Variants in PRKG1 observed in about 807,000 individuals in gnomAD.
PRKG1 encodes cGMP-dependent protein kinase 1.
Under a neutral mutation model 88.1 loss-of-function variants are expected in PRKG1, and 35 were observed. The observed-to-expected ratio is 0.40, with a 90% CI of 0.30 to 0.53. PRKG1 has a LOEUF of 0.53. Ranked by LOEUF, PRKG1 falls within the 20% of genes least tolerant of loss-of-function variation. The pLI is 0.59. For missense variants in PRKG1, 540 were observed against 839.8 expected (o/e 0.64, Z 4.41); for synonymous variants, 303 against 292.5 (o/e 1.04, Z -0.37).
intron 2 of PRKG1, among the ~76,000 whole-genome samples, chr10:51,434,909 T>A (rs537449241): frequency 5.3e-5 from 8 of 152,200 alleles, no homozygotes; most frequent in African/African-American, 1.9e-4. Flanking sequence ...TTTCCTTACA[T>A]GTAATAAAAA....
intron 2 of PRKG1, among the ~76,000 whole-genome samples, chr10:51,276,086 G>T (rs932426473): frequency 2.0e-5 from 3 of 151,808 alleles, no homozygotes; most frequent in Admixed American, 6.6e-5. Context: ...TTTATATTAG[G>T]TATATCTCTT....
intron 9 of PRKG1, among the ~76,000 whole-genome samples, chr10:52,237,298 A>T (rs201474957): frequency 6.9e-6 from 1 of 144,428 alleles, no homozygotes; most frequent in African/African-American, 2.7e-5. Context: ...TATTCAACAC[A>T]GTGTTGGAAG....
chr10:52,193,769 C>A lies in PRKG1; in HGVS notation c.1076+31806C>A, dbSNP rs1839436183. Among the ~76,000 whole-genome samples, 3 of 152,156 alleles carry A rather than the reference C, an allele frequency of 2.0e-5. No homozygotes were observed. The South Asian group carries it at 6.2e-4, about 32-fold the overall frequency. On this transcript the variant is annotated intron_variant, in intron 9 of 17. Transcript: ENST00000373980. ...CCTTTTTAGAAGCAAGTACTATAAC[C>A]AGTTTCCTCTGGATCCCTTCAGAGA...
In PRKG1 at chr10:51,278,868, C is replaced by T. The variant is rs184636514; in HGVS notation, c.478+125538C>T. ...TTTTCTTCTTTATTAGTATTGCTAGCGGTCAATCAATTTTATTGATCTTTT... is the reference window on the plus strand; with the variant it reads ...TTTTCTTCTTTATTAGTATTGCTAGTGGTCAATCAATTTTATTGATCTTTT... On this transcript the variant is annotated intron_variant, in intron 2 of 17. Coordinates refer to ENST00000373980, the MANE Select transcript of PRKG1 (RefSeq NM_006258.4). Among the ~76,000 whole-genome samples, 220 of 152,146 alleles carry T rather than the reference C, an allele frequency of 1.4e-3. 1 individual carries two copies. The highest frequency in any genetic ancestry group is 4.5e-3 in the African/African-American group (186 of 41,516).
rs923484079 is a variant in PRKG1 at position 51,450,510 on chromosome 10, C to T, written c.479-17213C>T. On this transcript the variant is annotated intron_variant, in intron 2 of 17. Transcript: ENST00000373980. Reference sequence around the variant, plus strand: ...ATGAGATGGAATTCATGATGTTGGACTTCTAACAAGTGCTCCAGCCAACTA... The same window carrying T: ...ATGAGATGGAATTCATGATGTTGGATTTCTAACAAGTGCTCCAGCCAACTA... 5.3e-5 allele frequency among the ~76,000 whole-genome samples: 8 copies of T among 151,926 alleles called. No individual in the cohort carries two copies. In the South Asian group the frequency reaches 8.3e-4, roughly 16 times the overall value.
intron 5 of PRKG1, among the ~76,000 whole-genome samples, chr10:52,011,953 C>G (rs1022468250): frequency 1.3e-5 from 2 of 152,170 alleles, no homozygotes; most frequent in African/African-American, 4.8e-5. Context: ...TAAGACTTGA[C>G]TTGCTCCTCC....
chr10:51,116,885 C>T (rs1845135446), intron 1 of PRKG1, among the ~76,000 whole-genome samples: 1 of 152,052 alleles, frequency 6.6e-6, no homozygotes, highest in Non-Finnish European at 1.5e-5. Flanking sequence ...CATCTCTGTG[C>T]AGGATGAGTA....
intron 9 of PRKG1, among the ~76,000 whole-genome samples, chr10:52,217,613 A>T (rs1176548771): frequency 6.6e-6 from 1 of 152,172 alleles, no homozygotes; most frequent in East Asian, 1.9e-4. Context: ...CAGTTACTCA[A>T]ATAGCAAGGA....
At chr10:51,601,470 A>G (rs985980480) in intron 3 of PRKG1, among the ~76,000 whole-genome samples, 9 of 152,158 alleles carry the variant, frequency 5.9e-5, no homozygotes, top group African/African-American at 2.2e-4. Context: ...AACAAGGAGG[A>G]GCACATAAAT....
At chr10:51,856,970 AAAAAG>A (rs1309178721) in intron 4 of PRKG1, among the ~76,000 whole-genome samples, 3 of 112,826 alleles carry the variant, frequency 2.7e-5, no homozygotes. Flanking sequence ...TCTTACTAAA[AAAAAG>A]AAAAAAAAAA....
At chr10:52,081,075 A>T (rs1846761887) in intron 7 of PRKG1, among the ~76,000 whole-genome samples, 1 of 152,212 alleles carries the variant, frequency 6.6e-6, no homozygotes, top group South Asian at 2.1e-4. Context: ...CCTCTTCAAC[A>T]CACCACTTGC....
At chr10:51,068,178 T>C (rs2132793320) in intron 1 of PRKG1, among the ~76,000 whole-genome samples, 1 of 152,168 alleles carries the variant, frequency 6.6e-6, no homozygotes, top group East Asian at 1.9e-4. Flanking sequence ...GTTAGAAAAG[T>C]GGATTTCTGG....
At chr10:52,119,883 A>G (rs534420501) in intron 7 of PRKG1, among the ~76,000 whole-genome samples, 1 of 152,168 alleles carries the variant, frequency 6.6e-6, no homozygotes, top group South Asian at 2.1e-4. Context: ...GTGGAAAGGG[A>G]AGAGAGCACA....
intron 7 of PRKG1, among the ~76,000 whole-genome samples, chr10:52,133,251 A>G (rs2132634130): frequency 6.6e-6 from 1 of 152,232 alleles, no homozygotes; most frequent in Admixed American, 6.5e-5. Flanking sequence ...GCTTCTAAAG[A>G]GACAATATTT....
At chr10:51,977,036 A>G (rs1376141511) in intron 5 of PRKG1, among the ~76,000 whole-genome samples, 4 of 151,880 alleles carry the variant, frequency 2.6e-5, no homozygotes, top group African/African-American at 9.7e-5. Context: ...AAACTTTGTC[A>G]TGGGGTATTG....
chr10:51,984,778 G>T (rs1402705987), intron 5 of PRKG1, among the ~76,000 whole-genome samples: 1 of 151,572 alleles, frequency 6.6e-6, no homozygotes, highest in Non-Finnish European at 1.5e-5. Flanking sequence ...TTTTAGTTGG[G>T]GCCTAATCGT....
rs140253084 is a variant in PRKG1, at chr10:51,309,479, A to G, written c.478+156149A>G. On this transcript the variant is annotated intron_variant, in intron 2 of 17. Transcript: ENST00000373980. ...AAAAGAAGATATACAAATGGTCAGC[A>G]AGCATATGAAAAATGCTTAACATCA... 4.2e-3 allele frequency among the ~76,000 whole-genome samples: 638 copies of G among 152,298 alleles called. 1 individual carries two copies. The highest frequency in any genetic ancestry group is 0.017 in the Middle Eastern group (5 of 294).
At chr10:51,063,228 A>G (rs1371251392) in intron 1 of PRKG1, among the ~76,000 whole-genome samples, 1 of 152,216 alleles carries the variant, frequency 6.6e-6, no homozygotes, top group African/African-American at 2.4e-5. Flanking sequence ...TTAATAGAAT[A>G]CTTCACTCAA....
rs1025393116 is a variant in PRKG1, at chr10:51,670,661, G to A, written c.593-133924G>A. On this transcript the variant is annotated intron_variant, in intron 3 of 17. Transcript: ENST00000373980. The stretch of plus-strand genomic sequence containing the variant: ...TGAGGCAGGAGAATGGCGTGAACCC[G>A]GGAGGCAGAGCTTGCAGTGAGCCGA... Among the ~76,000 whole-genome samples, 21 of 148,362 alleles carry A rather than the reference G, an allele frequency of 1.4e-4. No homozygotes were observed. In the South Asian group the frequency reaches 3.2e-3, roughly 22 times the overall value.
Sources: gnomAD v4.1 joint callset for allele counts (sites outside exome capture counted in the v4.1 genomes callset) on GRCh38, gnomAD v4.1.1 for gene constraint, MANE v1.5 for transcripts, NCBI Gene and HGNC (gene_info 2026-07-23, HGNC 2026-07-21) for gene names.